Variants in FRMD4A observed in about 807,000 individuals in gnomAD.
FRMD4A encodes the protein FERM domain containing 4A, also known as FERM domain-containing protein 4A.
Under a neutral mutation model 129.1 loss-of-function variants are expected in FRMD4A, and 29 were observed. That is an observed-to-expected ratio of 0.22 (90% confidence interval 0.17 to 0.31). The LOEUF is 0.31. Among genes scored for constraint, FRMD4A ranks in the 10% least tolerant of loss-of-function variants. The pLI is 1.00. For synonymous variants in FRMD4A, 634 were observed against 571.6 expected, an observed-to-expected ratio of 1.11 and a Z score of -1.56; for missense variants, 1,272 against 1,375.8, an observed-to-expected ratio of 0.92 and a Z score of 1.19.
At chr10:14,032,547 C>T (rs1588829823) in intron 2 of FRMD4A, among the ~76,000 whole-genome samples, 1 of 152,326 alleles carries the variant, frequency 6.6e-6, no homozygotes, top group Non-Finnish European at 1.5e-5. Flanking sequence ...GTAGCGCTAT[C>T]CACACCCGCG....
chr10:14,030,195 G>T (rs954990540), intron 2 of FRMD4A, among the ~76,000 whole-genome samples: 1 of 152,208 alleles, frequency 6.6e-6, no homozygotes, highest in Admixed American at 6.5e-5. Context: ...CGATGTGACT[G>T]AGTTAACAAT....
intron 2 of FRMD4A, among the ~76,000 whole-genome samples, chr10:14,228,329 A>G (rs187738922): frequency 1.3e-5 from 2 of 152,350 alleles, no homozygotes; most frequent in Admixed American, 6.5e-5. Context: ...TACAGTGACC[A>G]TATGTCCCCA....
intron 2 of FRMD4A, among the ~76,000 whole-genome samples, chr10:14,068,347 A>G (rs1049385420): frequency 9.2e-5 from 14 of 152,312 alleles, no homozygotes; most frequent in Middle Eastern, 3.4e-3. Context: ...TATGCCTAAG[A>G]ACTGCTAATA....
At chr10:13,864,912 G>A (rs2094345392) in intron 2 of FRMD4A, among the ~76,000 whole-genome samples, 1 of 152,138 alleles carries the variant, frequency 6.6e-6, no homozygotes, top group Non-Finnish European at 1.5e-5. Context: ...ATATGCCTGT[G>A]CAGGAGGAGC....
chr10:14,067,147 C>T (rs1835098650), intron 2 of FRMD4A, among the ~76,000 whole-genome samples: 1 of 151,848 alleles, frequency 6.6e-6, no homozygotes, highest in African/African-American at 2.4e-5. Flanking sequence ...GAAACCCCGT[C>T]TCTAATAAAA....
intron 2 of FRMD4A, among the ~76,000 whole-genome samples, chr10:14,198,321 T>C (rs1395923396): frequency 6.6e-6 from 1 of 152,190 alleles, no homozygotes; most frequent in East Asian, 1.9e-4. Flanking sequence ...GACATCGGGC[T>C]GGAGAGACCT....
chr10:13,693,651 G>A, intron 15 of FRMD4A: 1 of 644,198 alleles, frequency 1.6e-6, no homozygotes, highest in Non-Finnish European at 2.6e-6. Flanking sequence ...AGTGTGACCA[G>A]CAGGCCTTCT....
At chr10:13,913,297 G>A (rs2094963191) in intron 2 of FRMD4A, among the ~76,000 whole-genome samples, 2 of 152,204 alleles carry the variant, frequency 1.3e-5, no homozygotes, top group Admixed American at 1.3e-4. Context: ...GTTAATGTGT[G>A]TGGGGATGAT....
At chr10:13,779,642 T>C (rs993529255) in intron 6 of FRMD4A, among the ~76,000 whole-genome samples, 3 of 152,220 alleles carry the variant, frequency 2.0e-5, no homozygotes, top group Non-Finnish European at 4.4e-5. Flanking sequence ...AGCTGGTGTA[T>C]ACCTCAAACT....
intron 2 of FRMD4A, among the ~76,000 whole-genome samples, chr10:14,227,614 G>A (rs1412467646): frequency 6.6e-6 from 1 of 151,912 alleles, no homozygotes; most frequent in Non-Finnish European, 1.5e-5. Flanking sequence ...CTTACACCAA[G>A]CCTGCATGAG....
chr10:14,128,007 TCTTTCTTCCTTC>T lies in FRMD4A; in HGVS notation c.45+202039_45+202050del, dbSNP rs1444970126. Among the ~76,000 whole-genome samples the T allele has an allele frequency of 6.2e-4, 59 of 95,742 alleles. 5 individuals are homozygous for T. The highest frequency in any genetic ancestry group is 2.0e-3 in the African/African-American group (46 of 22,726). 62.8% of individuals were successfully genotyped at this position (95,742 alleles called of 152,430 possible). A position where few individuals can be genotyped will look rare whatever the true frequency, so the allele number is the denominator to read the frequency against. On this transcript the variant is annotated intron_variant, in intron 2 of 24. Coordinates refer to ENST00000357447, the MANE Select transcript of FRMD4A (RefSeq NM_018027.5). ...CTCTCTCTCTCTCTCTCTCTTTCTT[TCTTTCTTCCTTC>T]CTTCCTTCCTTCCTTCCTTTCTTTC...
intron 2 of FRMD4A, among the ~76,000 whole-genome samples, chr10:14,248,789 AT>A (rs1844334481): frequency 6.6e-6 from 1 of 152,190 alleles, no homozygotes; most frequent in African/African-American, 2.4e-5. Context: ...CTGTTCACTG[AT>A]TCTGTCAGAA....
intron 2 of FRMD4A, among the ~76,000 whole-genome samples, chr10:14,019,574 G>A (rs1832636215): frequency 6.6e-6 from 1 of 152,032 alleles, no homozygotes; most frequent in Non-Finnish European, 1.5e-5. Flanking sequence ...CTGGAGCCTG[G>A]GTTTTTCTTT....
chr10:14,057,378 T>C (rs1834585453), intron 2 of FRMD4A, among the ~76,000 whole-genome samples: 1 of 152,174 alleles, frequency 6.6e-6, no homozygotes, highest in Non-Finnish European at 1.5e-5. Flanking sequence ...ACCCTAGAGC[T>C]GGGGTTATAG....
At chr10:14,328,659 T>TGTGTGTGC (rs398054139) in intron 2 of FRMD4A, among the ~76,000 whole-genome samples, 1 of 143,220 alleles carries the variant, frequency 7.0e-6, no homozygotes, top group Admixed American at 7.1e-5. Context: ...TGTGTGTGTG[T>TGTGTGTGC]GCATATGTGT....
At chr10:14,221,481 A>G (rs2131972490) in intron 2 of FRMD4A, among the ~76,000 whole-genome samples, 1 of 152,218 alleles carries the variant, frequency 6.6e-6, no homozygotes, top group Middle Eastern at 3.4e-3. Flanking sequence ...TGGAGAGGGG[A>G]ATTGCAACAT....
intron 2 of FRMD4A, among the ~76,000 whole-genome samples, chr10:14,255,112 T>A (rs977430651): frequency 6.6e-6 from 1 of 152,222 alleles, no homozygotes; most frequent in African/African-American, 2.4e-5. Context: ...TGGCTATCTG[T>A]TGGTTGCTAA....
intron 2 of FRMD4A, among the ~76,000 whole-genome samples, chr10:14,119,994 G>A (rs1008613481): frequency 3.7e-5 from 5 of 133,748 alleles, no homozygotes; most frequent in Non-Finnish European, 7.7e-5. Flanking sequence ...AATGTCATCT[G>A]CTTTTTTTTT....
chr10:14,185,109 C>T lies in FRMD4A; in HGVS notation c.45+144949G>A, dbSNP rs117183634. On this transcript the variant is annotated intron_variant, in intron 2 of 24. Transcript: ENST00000357447. ...CCCTCCATATGCTGATCATCTTTTG[C>T]CAATGTCTGTGTCTGAACAGGTTTT... 2.9e-3 allele frequency among the ~76,000 whole-genome samples: 447 copies of T among 152,270 alleles called. 2 individuals are homozygous for T. Among genetic ancestry groups the T allele is most frequent in the South Asian group, 8.3e-3 (40 of 4,824 alleles).
Sources: gnomAD v4.1 joint callset for allele counts (sites outside exome capture counted in the v4.1 genomes callset) on GRCh38, gnomAD v4.1.1 for gene constraint, MANE v1.5 for transcripts, NCBI Gene and HGNC (gene_info 2026-07-23, HGNC 2026-07-21) for gene names.